ROR2: variants seen among roughly 807,000 people sequenced by gnomAD.
ROR2 encodes the protein ROR family WNT receptor 2, also known as tyrosine-protein kinase transmembrane receptor ROR2.
In ROR2, 33 loss-of-function variants were observed where a neutral mutation model predicts 74.9. The observed-to-expected ratio is 0.44, with a 90% confidence interval of 0.33 to 0.59. The LOEUF (loss-of-function observed/expected upper bound fraction) is 0.59, where lower values mean the gene tolerates loss of function less well. Among genes scored for constraint, ROR2 ranks in the 20% least tolerant of loss-of-function variants. The pLI is 0.02. For synonymous variants in ROR2, 586 were observed against 558.7 expected (o/e 1.05, Z -0.69); for missense variants, 1,216 against 1,313.8 (o/e 0.93, Z 1.15).
At position 91,785,461 on chromosome 9, in the gene ROR2, G is replaced by GA. The variant is rs1242895449; in HGVS notation, c.98-9644dup. 1.6e-4 allele frequency among the ~76,000 whole-genome samples: 25 copies of GA among 152,346 alleles called. No individual in the cohort carries two copies. The South Asian group carries it at 2.7e-3, about 16-fold the overall frequency. On this transcript the variant is annotated intron_variant, in intron 1 of 8. Coordinates refer to ENST00000375708, the MANE Select transcript of ROR2 (RefSeq NM_004560.4). The stretch of plus-strand genomic sequence containing the variant: ...TCACCATCTGTCTTTGCATCAGAAT[G>GA]AAACTCCAGAGTCTAGGTGATGGTG...
At chr9:91,819,222 A>G (rs1189564205) in intron 1 of ROR2, among the ~76,000 whole-genome samples, 1 of 152,184 alleles carries the variant, frequency 6.6e-6, no homozygotes, top group East Asian at 1.9e-4. Context: ...CTGACACAGC[A>G]TGGGAACACC....
intron 1 of ROR2, among the ~76,000 whole-genome samples, chr9:91,941,824 T>C (rs1042307245): frequency 4.7e-5 from 7 of 148,104 alleles, no homozygotes; most frequent in Non-Finnish European, 7.4e-5. Context: ...AGGGTGTTGC[T>C]CTGCTGCCCA....
At chr9:91,930,228 G>T (rs901809814) in intron 1 of ROR2, among the ~76,000 whole-genome samples, 18 of 152,180 alleles carry the variant, frequency 1.2e-4, no homozygotes, top group Non-Finnish European at 2.4e-4. Context: ...CTCTTCAAAC[G>T]TTCTTGCTCT....
intron 4 of ROR2, among the ~76,000 whole-genome samples, chr9:91,740,437 A>C (rs1324227865): frequency 6.6e-6 from 1 of 152,000 alleles, no homozygotes; most frequent in Non-Finnish European, 1.5e-5. Context: ...CTGTAGTCCC[A>C]GCTACTCGGG....
chr9:91,781,787 C>T (rs1826627084), intron 1 of ROR2, among the ~76,000 whole-genome samples: 1 of 152,226 alleles, frequency 6.6e-6, no homozygotes, highest in Non-Finnish European at 1.5e-5. Context: ...GGAGTTAAAA[C>T]TCATCAACTT....
At chr9:91,833,619 C>A (rs954708093) in intron 1 of ROR2, among the ~76,000 whole-genome samples, 2 of 152,170 alleles carry the variant, frequency 1.3e-5, no homozygotes, top group African/African-American at 2.4e-5. Context: ...AGAGAAGCAG[C>A]CCATGGCCAG....
At position 91,793,933 on chromosome 9, in the gene ROR2, C is replaced by A. The variant is rs573879679; in HGVS notation, c.98-18115G>T. Among the ~76,000 whole-genome samples, 17 of 152,314 alleles carry A rather than the reference C, an allele frequency of 1.1e-4. No homozygotes were observed. In the East Asian group the frequency reaches 2.3e-3, roughly 21 times the overall value. On this transcript the variant is annotated intron_variant, in intron 1 of 8. Coordinates refer to ENST00000375708, the MANE Select transcript of ROR2 (RefSeq NM_004560.4). ...GGGAGTCGGATACCTATAGCCTGGT[C>A]CATGGTGTGAACGATGCCTCAAAAT...
intron 4 of ROR2, among the ~76,000 whole-genome samples, chr9:91,738,485 A>G (rs185541956): frequency 9.8e-5 from 15 of 152,304 alleles, no homozygotes; most frequent in African/African-American, 3.1e-4. Context: ...CCCTTGAACT[A>G]TTTAATACAT....
At chr9:91,839,909 G>A (rs573268092) in intron 1 of ROR2, among the ~76,000 whole-genome samples, 22 of 152,136 alleles carry the variant, frequency 1.4e-4, no homozygotes, top group African/African-American at 4.1e-4. Context: ...CACCAAAAGT[G>A]CACCCCTTTC....
intron 1 of ROR2, among the ~76,000 whole-genome samples, chr9:91,891,252 C>CTTTTTT (rs59835723): frequency 8.0e-5 from 11 of 136,850 alleles, no homozygotes; most frequent in Non-Finnish European, 6.3e-5. Flanking sequence ...CTGTTCCTTT[C>CTTTTTT]TTTTTTTTTT....
chr9:91,872,683 A>G (rs565053615), intron 1 of ROR2, among the ~76,000 whole-genome samples: 1 of 152,302 alleles, frequency 6.6e-6, no homozygotes, highest in East Asian at 1.9e-4. Context: ...GCGTTTTATT[A>G]TATTACAGAG....
At chr9:91,894,459 C>T (rs1830491482) in intron 1 of ROR2, among the ~76,000 whole-genome samples, 1 of 152,120 alleles carries the variant, frequency 6.6e-6, no homozygotes, top group East Asian at 1.9e-4. Flanking sequence ...TCCAGTGAGG[C>T]AATTTCTCTA....
rs1825065690 is a variant in ROR2 at position 91,737,391 on chromosome 9, C to T, written c.622G>A (p.Ala208Thr). The T allele has an allele frequency of 1.2e-6, 2 of 1,614,014 alleles. No individual in the cohort carries two copies. The highest frequency in any genetic ancestry group is 1.7e-5 in the Admixed American group (1 of 60,000). Residue 208 changes from alanine (A) to threonine (T), a missense_variant and splice_region_variant, in exon 5 of 9, where the codon GCG becomes ACG. Physicochemically the swap from Ala to Thr is moderately conservative, Grantham distance 58 (BLOSUM62 0). Coordinates refer to ENST00000375708, the MANE Select transcript of ROR2 (RefSeq NM_004560.4). ...TGGGAGAAAGGTCTGCAGCTCCTAC[C>T]TGTGATTCGGTTTTCAATCTCCCCC... ...MQGEIENRITAAFTMIGTSTH... is the reference protein window; with the variant it reads ...MQGEIENRITTAFTMIGTSTH...
At chr9:91,795,218 C>T (rs1004376670) in intron 1 of ROR2, among the ~76,000 whole-genome samples, 1 of 152,162 alleles carries the variant, frequency 6.6e-6, no homozygotes, top group Non-Finnish European at 1.5e-5. Context: ...TCGCCCCATG[C>T]ATTTCTAATA....
chr9:91,927,562 C>CTTTT (rs775823582), intron 1 of ROR2, among the ~76,000 whole-genome samples: 31 of 94,938 alleles, frequency 3.3e-4, no homozygotes, highest in Non-Finnish European at 4.8e-4. Context: ...TTTCTAGATT[C>CTTTT]TTTTTTTTTT....
chr9:91,763,208 A>T (rs1476531058), intron 2 of ROR2, among the ~76,000 whole-genome samples: 1 of 152,154 alleles, frequency 6.6e-6, no homozygotes, highest in Non-Finnish European at 1.5e-5. Context: ...GGATTAAAAA[A>T]CTACCTATTG....
chr9:91,874,077 G>A (rs1829883526), intron 1 of ROR2, among the ~76,000 whole-genome samples: 1 of 152,156 alleles, frequency 6.6e-6, no homozygotes, highest in Non-Finnish European at 1.5e-5. Flanking sequence ...GTCAGGGCAT[G>A]AGAAAGTGAT....
chr9:91,899,483 G>A (rs183845817), intron 1 of ROR2, among the ~76,000 whole-genome samples: 15 of 152,200 alleles, frequency 9.9e-5, no homozygotes, highest in African/African-American at 4.8e-5. Context: ...TACCAGTCCC[G>A]GTGCCTTCAG....
chr9:91,775,615 C>T (rs1482310130), intron 2 of ROR2, 126 bp downstream of exon 2: 1 of 843,632 alleles, frequency 1.2e-6, no homozygotes, highest in Non-Finnish European at 2.0e-6. Context: ...CCACCATACC[C>T]ACCACCAGGG....
Sources: gnomAD v4.1 joint callset for allele counts (sites outside exome capture counted in the v4.1 genomes callset) on GRCh38, gnomAD v4.1.1 for gene constraint, MANE v1.5 for transcripts, NCBI Gene and HGNC (gene_info 2026-07-23, HGNC 2026-07-21) for gene names.